The following OR2T12 variants were observed in gnomAD, a reference collection of about 807,000 sequenced individuals.
The protein encoded by OR2T12 is olfactory receptor 2T12.
For synonymous variants in OR2T12, 127 were observed against 160.5 expected (o/e 0.79, Z 1.58); for missense variants, 335 against 404.3 (o/e 0.83, Z 1.47).
At position 248,294,420 on chromosome 1, in the gene OR2T12, T is replaced by C; in HGVS notation, c.*196A>G. 3.1e-6 allele frequency: 2 copies of C among 636,690 alleles called. No individual in the cohort carries two copies. The highest frequency in any genetic ancestry group is 2.3e-5 in the South Asian group (1 of 43,752). The allele number at this position is 636,690 out of a possible 1,614,324, so 39.4% of individuals were successfully genotyped here. A position where few individuals can be genotyped will look rare whatever the true frequency, so the allele number is the denominator to read the frequency against. On this transcript the variant is annotated 3_prime_UTR_variant, in exon 3 of 3. Transcript: ENST00000641276. ...TAGGATACAAAGTAATCTATAGGTATTACTTCACTTGAAGAAAAGTACATA... is the reference window on the plus strand; with the variant it reads ...TAGGATACAAAGTAATCTATAGGTACTACTTCACTTGAAGAAAAGTACATA...
chr1:248,294,690 C>T lies in OR2T12; in HGVS notation c.889G>A (p.Glu297Lys), dbSNP rs151244204. 8 of 1,613,956 alleles carry T rather than the reference C, an allele frequency of 5.0e-6. No individual in the cohort carries two copies. Among genetic ancestry groups the T allele is most frequent in the South Asian group, 2.2e-5 (2 of 91,090 alleles). ...IYSVRNSEVKEALKRWLGTCV... is the reference protein window; with the variant it reads ...IYSVRNSEVKKALKRWLGTCV... ...GTCCCCAGCCACCGTTTCAGGGCTT[C>T]CTTGACCTCACTGTTCCTCACACTG... Residue 297 changes from glutamate to lysine, a missense_variant, in exon 3 of 3, where the codon GAA (glutamate) becomes AAA (lysine). By Grantham distance (56) the Glu-to-Lys change is moderately conservative. Coordinates refer to ENST00000641276, the MANE Select transcript of OR2T12 (RefSeq NM_001004692.2).
At chr1:248,301,746 TG>T (rs1659814045) in intron 1 of OR2T12, among the ~76,000 whole-genome samples, 193 bp from the exon 2 acceptor site, 1 of 152,150 alleles carries the variant, frequency 6.6e-6, no homozygotes. Context: ...TCCGTCATTT[TG>T]TAAAAAGATG....
intron 2 of OR2T12, among the ~76,000 whole-genome samples, chr1:248,297,461 C>T (rs150379135): frequency 0.78 from 117,738 of 150,232 alleles, 46,362 homozygotes; most frequent in South Asian, 0.87. Flanking sequence ...GCCATTTTCA[C>T]GATATTGATT....
rs189459614 is a variant in OR2T12, at chr1:248,294,347, T to C, written c.*269A>G. On this transcript the variant is annotated 3_prime_UTR_variant, in exon 3 of 3. Coordinates refer to ENST00000641276, the MANE Select transcript of OR2T12 (RefSeq NM_001004692.2). The stretch of plus-strand genomic sequence containing the variant: ...AAAATTTGGGACACCTTTTAAAGAT[T>C]TGGAGTTTGCAAAAGAAAAAAAGAA... 4.6e-5 allele frequency: 15 copies of C among 325,282 alleles called. No individual in the cohort carries two copies. Among genetic ancestry groups the C allele is most frequent in the East Asian group, 6.1e-5 (1 of 16,490 alleles). 20.1% of individuals were successfully genotyped at this position (325,282 alleles called of 1,614,324 possible). A position where few individuals can be genotyped will look rare whatever the true frequency, so the allele number is the denominator to read the frequency against.
chr1:248,296,136 A>T (rs1483907406), intron 2 of OR2T12, among the ~76,000 whole-genome samples: 1 of 152,094 alleles, frequency 6.6e-6, no homozygotes, highest in East Asian at 1.9e-4. Flanking sequence ...TAGTTTACTG[A>T]GAATGATGAT....
chr1:248,301,695 AT>A (rs1314355429), intron 1 of OR2T12, 142 bp from the exon 2 acceptor site: 1 of 152,074 alleles, frequency 6.6e-6, no homozygotes, highest in Admixed American at 6.5e-5. Context: ...TTCTAATTTT[AT>A]TTATTTTATC....
At position 248,292,437 on chromosome 1, in the gene OR2T12, A is replaced by C. The variant is rs1449078902; in HGVS notation, c.*2179T>G. The C allele has an allele frequency of 6.6e-6, 1 of 152,132 alleles. No individual in the cohort carries two copies. The highest frequency in any genetic ancestry group is 2.4e-5 in the African/African-American group (1 of 41,442). 9.4% of individuals were successfully genotyped at this position (152,132 alleles called of 1,614,324 possible). A position where few individuals can be genotyped will look rare whatever the true frequency, so the allele number is the denominator to read the frequency against. On this transcript the variant is annotated 3_prime_UTR_variant, in exon 3 of 3. Transcript: ENST00000641276. ...CTCATTTTCAAACACACAATGGGAA[A>C]TAACTAAAAGCTTCCAGAGACAATG... is the stretch of plus-strand genomic sequence containing the variant.
chr1:248,290,534 T>A lies in OR2T12; in HGVS notation c.*4082A>T, dbSNP rs567577516. ...TGCAATAAACATATGTGTGCATGTG[T>A]CTTTTTAGTGGAATGATTTAAAATC... On this transcript the variant is annotated 3_prime_UTR_variant, in exon 3 of 3. Transcript: ENST00000641276. 34 of 152,286 alleles carry A rather than the reference T, an allele frequency of 2.2e-4. No homozygotes were observed. Among genetic ancestry groups the A allele is most frequent in the Admixed American group, 6.5e-4 (10 of 15,296 alleles). 9.4% of individuals were successfully genotyped at this position (152,286 alleles called of 1,614,324 possible).
rs546601886 is a variant in OR2T12 at position 248,291,762 on chromosome 1, C to G, written c.*2854G>C. On this transcript the variant is annotated 3_prime_UTR_variant, in exon 3 of 3. Coordinates refer to ENST00000641276, the MANE Select transcript of OR2T12 (RefSeq NM_001004692.2). ...CAGATATATAGACCAATAAACAGAA[C>G]AGAGGCCTCAGAATTCATGCCATAC... 5.3e-5 allele frequency: 8 copies of G among 152,150 alleles called. No individual in the cohort carries two copies. In the East Asian group the frequency reaches 1.5e-3, roughly 29 times the overall value. 9.4% of individuals were successfully genotyped at this position (152,150 alleles called of 1,614,324 possible). A position where few individuals can be genotyped will look rare whatever the true frequency, so the allele number is the denominator to read the frequency against.
intron 2 of OR2T12, among the ~76,000 whole-genome samples, chr1:248,296,339 C>G (rs1188825724): frequency 6.6e-6 from 1 of 152,080 alleles, no homozygotes; most frequent in Non-Finnish European, 1.5e-5. Flanking sequence ...CTTTATAGCA[C>G]CATGATTTAT....
intron 2 of OR2T12, among the ~76,000 whole-genome samples, chr1:248,299,676 C>T (rs1476108930): frequency 6.6e-6 from 1 of 152,096 alleles, no homozygotes; most frequent in Non-Finnish European, 1.5e-5. Flanking sequence ...AGCTCTGCAC[C>T]AAGCGGACCT....
intron 2 of OR2T12, among the ~76,000 whole-genome samples, chr1:248,296,994 G>A (rs1319482040): frequency 2.0e-4 from 31 of 152,062 alleles, no homozygotes; most frequent in Non-Finnish European, 1.5e-4. Flanking sequence ...TAGGTCTAAC[G>A]TTTAAGTCTT....
intron 2 of OR2T12, among the ~76,000 whole-genome samples, chr1:248,299,681 G>A (rs905446453): frequency 1.4e-4 from 21 of 151,930 alleles, no homozygotes; most frequent in African/African-American, 3.1e-4. Flanking sequence ...TGCACCAAGC[G>A]GACCTAATAG....
intron 2 of OR2T12, among the ~76,000 whole-genome samples, chr1:248,296,716 G>A (rs538097054): frequency 9.2e-5 from 14 of 152,056 alleles, no homozygotes; most frequent in Admixed American, 2.6e-4. Context: ...GTTTTTTCTC[G>A]TAAATTTGTT....
Position 248,295,221 on chromosome 1 carries a change from G to A in OR2T12, c.358C>T (p.Arg120Cys), listed in dbSNP as rs201816547. ...AGTGGGTGGCAGACAGCCGCATAGC[G>A]GTCATAGGCCATGGCTGCTAAGAGG... ...CFLLAAMAYDRYAAVCHPLRY... is the reference protein window; with the variant it reads ...CFLLAAMAYDCYAAVCHPLRY... The change falls in exon 3 of 3, where the codon CGC becomes TGC. Residue 120 changes from arginine (R) to cysteine (C), a missense_variant. Transcript: ENST00000641276. 4.7e-4 allele frequency: 751 copies of A among 1,609,218 alleles called. 4 individuals are homozygous for A. In the East Asian group the frequency reaches 0.013, roughly 27 times the overall value.
chr1:248,300,148 G>A (rs537998776), intron 2 of OR2T12, among the ~76,000 whole-genome samples: 14 of 151,976 alleles, frequency 9.2e-5, no homozygotes, highest in South Asian at 2.1e-4. Context: ...ATATGTGATC[G>A]AGTTTTTCCA....
chr1:248,302,994 AG>A, intron 1 of OR2T12, among the ~76,000 whole-genome samples: 1 of 152,230 alleles, frequency 6.6e-6, no homozygotes. Flanking sequence ...TTTAAAGAAA[AG>A]AGAATGTGGC....
Position 248,294,905 on chromosome 1 carries a change from A to T in OR2T12, c.674T>A (p.Leu225His), listed in dbSNP as rs543013093. The change falls in exon 3 of 3, where the codon CTC becomes CAC. Residue 225 changes from leucine (L) to histidine (H), a missense_variant. Transcript: ENST00000641276. The stretch of plus-strand genomic sequence containing the variant: ...CTTGCGGGCTTCTGTAGAGCGCATG[A>T]GCAGAACAGCAGCGAGGATGAGACC... ...SYGLILAAVLLMRSTEARKKA... is the reference protein window; with the variant it reads ...SYGLILAAVLHMRSTEARKKA... 690 of 1,607,392 alleles carry T rather than the reference A, an allele frequency of 4.3e-4. 2 individuals are homozygous for T. The highest frequency in any genetic ancestry group is 1.1e-3 in the African/African-American group (82 of 72,666).
chr1:248,300,596 G>C (rs575419631), intron 2 of OR2T12, among the ~76,000 whole-genome samples: 1 of 152,004 alleles, frequency 6.6e-6, no homozygotes, highest in Non-Finnish European at 1.5e-5. Context: ...GCTTATGAGC[G>C]GAATTCACTT....
Sources: gnomAD v4.1 joint callset for allele counts (sites outside exome capture counted in the v4.1 genomes callset) on GRCh38, gnomAD v4.1.1 for gene constraint, MANE v1.5 for transcripts, NCBI Gene and HGNC (gene_info 2026-07-23, HGNC 2026-07-21) for gene names.